PCNX4: variants seen among roughly 807,000 people sequenced by gnomAD.
PCNX4 encodes the protein pecanex-like protein 4.
A neutral mutation model predicts 107.2 loss-of-function variants in PCNX4; 103 were observed. The observed-to-expected ratio is 0.96, with a 90% CI of 0.82 to 1.13. The LOEUF is 1.13. Among genes scored for constraint, PCNX4 ranks in the 50% most tolerant of loss-of-function variants. PCNX4 has a pLI of 0.00. For synonymous variants in PCNX4, 541 were observed against 481.7 expected (o/e 1.12, Z -1.61); for missense variants, 1,528 against 1,379.4 (o/e 1.11, Z -1.71).
At chr14:60,118,816 G>A (rs560125657) in intron 7 of PCNX4, 124 bp downstream of exon 7, 36 of 1,071,172 alleles carry the variant, frequency 3.4e-5, no homozygotes, top group Admixed American at 7.6e-5. Context: ...ACAATTTGAT[G>A]TGTAGGCAGA....
intron 8 of PCNX4, among the ~76,000 whole-genome samples, chr14:60,123,216 G>C (rs1014709525): frequency 6.6e-6 from 1 of 152,020 alleles, no homozygotes; most frequent in African/African-American, 2.4e-5. Flanking sequence ...TGACATATGT[G>C]GTTTAAAAAT....
chr14:60,114,654 C>A, intron 2 of PCNX4, 46 bp from the exon 3 acceptor site: 1 of 1,478,816 alleles, frequency 6.8e-7, no homozygotes, highest in Admixed American at 2.0e-5. Flanking sequence ...AAAAGATCCT[C>A]TTCTATATAT....
At position 60,124,325 on chromosome 14, in the gene PCNX4, T is replaced by C. The variant is rs749398099; in HGVS notation, c.2154T>C (p.Asn718=). The change falls in exon 9 of 11, where the codon AAT becomes AAC. Residue 718 remains asparagine (N), a synonymous_variant. Coordinates refer to ENST00000406854, the MANE Select transcript of PCNX4 (RefSeq NM_001330177.2). ...AATACACAAGAGTATGTTCCCTTAA[T>C]GAACACTTTGGAAATGTCTTGACAC... ...EQEYTRVCSL[N]EHFGNVLTPC... 4.3e-6 allele frequency: 7 copies of C among 1,612,374 alleles called. No homozygotes were observed. The highest frequency in any genetic ancestry group is 5.1e-6 in the Non-Finnish European group (6 of 1,179,054).
At chr14:60,119,377 G>A (rs1370917726) in intron 7 of PCNX4, among the ~76,000 whole-genome samples, 1 of 152,126 alleles carries the variant, frequency 6.6e-6, no homozygotes, top group Non-Finnish European at 1.5e-5. Context: ...ACACTAGTGT[G>A]TCATCTCCTG....
chr14:60,118,059 T>C (rs980537295), intron 6 of PCNX4, among the ~76,000 whole-genome samples: 3 of 152,098 alleles, frequency 2.0e-5, no homozygotes, highest in African/African-American at 7.2e-5. Flanking sequence ...ATTTGTGGCC[T>C]ACAGTGGTTC....
rs73310161 is a variant in PCNX4, at chr14:60,117,808, G to A, written c.1579-521G>A. 2.9e-3 allele frequency among the ~76,000 whole-genome samples: 443 copies of A among 152,278 alleles called. 3 individuals carry two copies. The highest frequency in any genetic ancestry group is 0.01 in the African/African-American group (425 of 41,568). ...CTTCTATTTTCTGGTAGAAGTTGGTGAAGGATAGGTATTGATTATTCGTAA... is the reference window on the plus strand; with the variant it reads ...CTTCTATTTTCTGGTAGAAGTTGGTAAAGGATAGGTATTGATTATTCGTAA... On this transcript the variant is annotated intron_variant, in intron 6 of 10. Coordinates refer to ENST00000406854, the MANE Select transcript of PCNX4 (RefSeq NM_001330177.2).
intron 6 of PCNX4, among the ~76,000 whole-genome samples, chr14:60,116,325 G>A (rs1482704398): frequency 6.6e-6 from 1 of 152,138 alleles, no homozygotes; most frequent in Non-Finnish European, 1.5e-5. Context: ...ATGGAATTCT[G>A]CAGCATGTGA....
intron 10 of PCNX4, among the ~76,000 whole-genome samples, chr14:60,127,603 A>T (rs1232870480): frequency 2.0e-5 from 3 of 152,220 alleles, no homozygotes; most frequent in Non-Finnish European, 4.4e-5. Context: ...CCAGCCAATC[A>T]CTAAACAAAC....
chr14:60,100,773 A>T (rs913737919), intron 1 of PCNX4, among the ~76,000 whole-genome samples: 1 of 152,210 alleles, frequency 6.6e-6, no homozygotes, highest in Admixed American at 6.5e-5. Context: ...TGACTTTCCA[A>T]TCTGACTCTG....
In PCNX4 at chr14:60,112,119, A is replaced by G. The variant is rs995268345; in HGVS notation, c.690-2581A>G. 4.6e-5 allele frequency among the ~76,000 whole-genome samples: 7 copies of G among 152,232 alleles called. 1 individual carries two copies. In the South Asian group the frequency reaches 1.4e-3, roughly 31 times the overall value. On this transcript the variant is annotated intron_variant, in intron 2 of 10. Transcript: ENST00000406854. The stretch of plus-strand genomic sequence containing the variant: ...CCCATTCTTTACCTAGTACAGTTGT[A>G]TAATAATACTTTTAAATGACTTCTT...
At chr14:60,129,899 G>A (rs1012866047) in intron 10 of PCNX4, among the ~76,000 whole-genome samples, 13 of 152,108 alleles carry the variant, frequency 8.5e-5, no homozygotes, top group African/African-American at 2.7e-4. Flanking sequence ...TAGTCAATAC[G>A]AGAGAAAGTC....
At chr14:60,123,979 T>C (rs1296624380) in intron 8 of PCNX4, among the ~76,000 whole-genome samples, 1 of 152,160 alleles carries the variant, frequency 6.6e-6, no homozygotes, top group Non-Finnish European at 1.5e-5. Context: ...GCTCAATTTC[T>C]AGTAGAATTT....
rs1411775365 is a variant in PCNX4, at chr14:60,136,227, C to T, written c.*2006C>T. ...GCTTTTGTGTTTTCTTTTGAACTTT[C>T]CTGACACTACATTATCTTTGTTTTC... On this transcript the variant is annotated 3_prime_UTR_variant, in exon 11 of 11. Transcript: ENST00000406854. 6.6e-6 allele frequency: 1 copy of T among 152,120 alleles called. No homozygotes were observed. Among genetic ancestry groups the T allele is most frequent in the African/African-American group, 2.4e-5 (1 of 41,422 alleles). The allele number at this position is 152,120 out of a possible 1,614,324, so 9.4% of individuals were successfully genotyped here.
intron 1 of PCNX4, among the ~76,000 whole-genome samples, chr14:60,099,172 A>T (rs1566929118): frequency 6.6e-6 from 1 of 152,172 alleles, no homozygotes; most frequent in African/African-American, 2.4e-5. Flanking sequence ...TATCCAGAGC[A>T]ACTGAAAATT....
intron 1 of PCNX4, among the ~76,000 whole-genome samples, chr14:60,096,593 G>A (rs908852892): frequency 6.6e-6 from 1 of 152,204 alleles, no homozygotes; most frequent in Non-Finnish European, 1.5e-5. Flanking sequence ...CCATAAGTTA[G>A]TGCCACATAG....
intron 2 of PCNX4, among the ~76,000 whole-genome samples, chr14:60,112,016 T>C (rs904979407): frequency 6.6e-6 from 1 of 152,196 alleles, no homozygotes. Flanking sequence ...GTCAGATAAA[T>C]TGTTTCTTAA....
rs1166536097 is a variant in PCNX4 at position 60,133,505 on chromosome 14, A to G, written c.3268-465A>G. 3 of 355,118 alleles carry G rather than the reference A, an allele frequency of 8.4e-6. No homozygotes were observed. The East Asian group carries it at 2.4e-4, about 29-fold the overall frequency. 22.0% of individuals were successfully genotyped at this position (355,118 alleles called of 1,614,324 possible). On this transcript the variant is annotated intron_variant, in intron 10 of 10. Coordinates refer to ENST00000406854, the MANE Select transcript of PCNX4 (RefSeq NM_001330177.2). ...TTGAGGTTATGATGTTTTAAAACTT[A>G]ACTGTGGTGATGGTTGCACGTATCT...
chr14:60,118,340 A>T lies in PCNX4; in HGVS notation c.1590A>T (p.Ile530=). 1 of 1,609,930 alleles carries T rather than the reference A, an allele frequency of 6.2e-7. No individual in the cohort carries two copies. The highest frequency in any genetic ancestry group is 8.5e-7 in the Non-Finnish European group (1 of 1,177,416). Residue 530 remains isoleucine (I), a synonymous_variant, in exon 7 of 11, where the codon ATA becomes ATT. Coordinates refer to ENST00000406854, the MANE Select transcript of PCNX4 (RefSeq NM_001330177.2). The stretch of plus-strand genomic sequence containing the variant: ...TTACATTTCTACAGGTTGGTATCAT[A>T]CGTGATCGTTTGATTCAGTTCATCT... ...TGLRLLLVGI[I]RDRLIQFISK...
chr14:60,124,480 A>G lies in PCNX4; in HGVS notation c.2309A>G (p.Gln770Arg), dbSNP rs754417324. ...AAAGTACTTGTGTGGATACTTGTTCAATACTGCTCCAAAAGGCCTGGCATG... is the reference window on the plus strand; with the variant it reads ...AAAGTACTTGTGTGGATACTTGTTCGATACTGCTCCAAAAGGCCTGGCATG... The part of the protein sequence containing the change: ...LIKVLVWILV[Q>R]YCSKRPGMKE... The change falls in exon 9 of 11, where the codon CAA becomes CGA. Residue 770 changes from glutamine (Q) to arginine (R), a missense_variant. By Grantham distance (43) the Gln-to-Arg change is conservative. Coordinates refer to ENST00000406854, the MANE Select transcript of PCNX4 (RefSeq NM_001330177.2). 6.2e-6 allele frequency: 10 copies of G among 1,613,824 alleles called. No individual in the cohort carries two copies. Among genetic ancestry groups the G allele is most frequent in the Non-Finnish European group, 8.5e-6 (10 of 1,179,778 alleles).
Sources: gnomAD v4.1 joint callset for allele counts (sites outside exome capture counted in the v4.1 genomes callset) on GRCh38, gnomAD v4.1.1 for gene constraint, MANE v1.5 for transcripts, NCBI Gene and HGNC (gene_info 2026-07-23, HGNC 2026-07-21) for gene names.